CYFIP2: variants seen among roughly 807,000 people sequenced by gnomAD.
CYFIP2 encodes cytoplasmic FMR1-interacting protein 2.
Under a neutral mutation model 158.7 loss-of-function variants are expected in CYFIP2, and 29 were observed. That is an observed-to-expected ratio of 0.18 (90% CI 0.14 to 0.25). The LOEUF (loss-of-function observed/expected upper bound fraction) is 0.25, where lower values mean the gene tolerates loss of function less well. Ranked by LOEUF, CYFIP2 falls within the 10% of genes least tolerant of loss-of-function variation. The pLI, the probability that CYFIP2 is intolerant of heterozygous loss-of-function variation, is 1.00. For synonymous variants in CYFIP2, 585 were observed against 617.6 expected, an observed-to-expected ratio of 0.95 and a Z score of 0.78; for missense variants, 852 against 1,639.5, an observed-to-expected ratio of 0.52 and a Z score of 8.29.
intron 20 of CYFIP2, among the ~76,000 whole-genome samples, chr5:157,333,045 A>G (rs753511005): frequency 6.6e-6 from 1 of 152,200 alleles, no homozygotes; most frequent in African/African-American, 2.4e-5. Context: ...GGACTCTCAC[A>G]AGGCCAGAGT....
chr5:157,328,743 T>A (rs1761224683), intron 19 of CYFIP2, among the ~76,000 whole-genome samples: 2 of 152,256 alleles, frequency 1.3e-5, no homozygotes, highest in Admixed American at 1.3e-4. Flanking sequence ...TTTGAAAGTT[T>A]ACTCTCTTAA....
chr5:157,331,268 G>T (rs962303458), intron 20 of CYFIP2, among the ~76,000 whole-genome samples: 2 of 151,688 alleles, frequency 1.3e-5, no homozygotes, highest in Non-Finnish European at 2.9e-5. Context: ...TAGAAATTGG[G>T]TTTTTTGTGT....
chr5:157,368,168 G>A (rs1764605960), intron 26 of CYFIP2, among the ~76,000 whole-genome samples: 1 of 152,234 alleles, frequency 6.6e-6, no homozygotes, highest in South Asian at 2.1e-4. Context: ...AGTGAGAAGA[G>A]TGACTGCCTC....
intron 5 of CYFIP2, among the ~76,000 whole-genome samples, 167 bp downstream of exon 5, chr5:157,296,941 T>C (rs2113874976): frequency 6.6e-6 from 1 of 152,358 alleles, no homozygotes; most frequent in Non-Finnish European, 1.5e-5. Context: ...CTCCCCACCC[T>C]CGTGGAATTT....
intron 1 of CYFIP2, among the ~76,000 whole-genome samples, chr5:157,281,514 A>G (rs1756986647): frequency 6.6e-6 from 1 of 152,234 alleles, no homozygotes; most frequent in African/African-American, 2.4e-5. Context: ...CTCATCTAAC[A>G]GTAACAAAGT....
chr5:157,342,983 C>A, intron 23 of CYFIP2: 1 of 1,614,214 alleles, frequency 6.2e-7, no homozygotes, highest in East Asian at 2.2e-5. Context: ...GGAGTTCTTG[C>A]GTGGCATTTC....
intron 28 of CYFIP2, chr5:157,384,420 T>G (rs1364789653): frequency 2.2e-6 from 1 of 456,676 alleles, no homozygotes; most frequent in Non-Finnish European, 4.4e-6. Flanking sequence ...AGGATTGAAA[T>G]CTGCTTTTGA....
intron 26 of CYFIP2, chr5:157,364,213 G>A (rs1032280978): frequency 7.8e-6 from 1 of 128,042 alleles, no homozygotes; most frequent in Admixed American, 7.5e-5. Flanking sequence ...GCGGGGGGGG[G>A]TGGGTCCCTG....
At chr5:157,339,279 G>C (rs1226638497) in intron 22 of CYFIP2, 23 bp downstream of exon 22, 4 of 1,598,986 alleles carry the variant, frequency 2.5e-6, no homozygotes, top group Non-Finnish European at 8.6e-7. Flanking sequence ...CTGTGCAGAG[G>C]GGGCCGGGTG....
chr5:157,319,667 C>T, intron 13 of CYFIP2, 95 bp from the exon 14 acceptor site: 1 of 1,485,154 alleles, frequency 6.7e-7, no homozygotes, highest in South Asian at 1.3e-5. Context: ...CTCTGGACAT[C>T]TCACTCCCCG....
chr5:157,336,309 C>T (rs1310684559), intron 21 of CYFIP2, among the ~76,000 whole-genome samples: 1 of 152,162 alleles, frequency 6.6e-6, no homozygotes, highest in Admixed American at 6.5e-5. Flanking sequence ...ACGGGCAGCC[C>T]GCAGGCTGTG....
chr5:157,325,534 C>T lies in CYFIP2; in HGVS notation c.1878C>T (p.Phe626=). Residue 626 remains phenylalanine (F), a synonymous_variant, in exon 17 of 31, where the codon TTC becomes TTT. Coordinates refer to ENST00000620254, the MANE Select transcript of CYFIP2 (RefSeq NM_001037333.3). ...CCCAGCTCTGGTTCCGAGAATTCTTCCTGGAGTTAACCATGGGCCGACGAA... is the reference window on the plus strand; with the variant it reads ...CCCAGCTCTGGTTCCGAGAATTCTTTCTGGAGTTAACCATGGGCCGACGAA... ...DLSQLWFREF[F]LELTMGRRIQ... 1 of 1,613,216 alleles carries T rather than the reference C, an allele frequency of 6.2e-7. No homozygotes were observed. The highest frequency in any genetic ancestry group is 8.5e-7 in the Non-Finnish European group (1 of 1,179,526).
At chr5:157,366,301 C>G (rs1008477487) in intron 26 of CYFIP2, among the ~76,000 whole-genome samples, 2 of 152,080 alleles carry the variant, frequency 1.3e-5, no homozygotes, top group Non-Finnish European at 2.9e-5. Context: ...GATTTGTGGC[C>G]ATTATATACT....
At chr5:157,378,530 C>A (rs185393191) in intron 26 of CYFIP2, among the ~76,000 whole-genome samples, 140 of 152,284 alleles carry the variant, frequency 9.2e-4, no homozygotes, top group Non-Finnish European at 3.1e-4. Flanking sequence ...GGGGGAAAGT[C>A]AGGCTTCCCA....
intron 23 of CYFIP2, among the ~76,000 whole-genome samples, chr5:157,349,071 G>A (rs1446703925): frequency 2.6e-5 from 4 of 151,944 alleles, no homozygotes; most frequent in Admixed American, 6.6e-5. Context: ...ATTAGCCACC[G>A]CACCTGGCCA....
chr5:157,303,846 C>T (rs750812958), intron 7 of CYFIP2, among the ~76,000 whole-genome samples: 5 of 151,758 alleles, frequency 3.3e-5, no homozygotes, highest in Non-Finnish European at 7.4e-5. Context: ...GCTCTCCTCC[C>T]CTGGGTGGGG....
intron 1 of CYFIP2, among the ~76,000 whole-genome samples, chr5:157,271,128 T>C (rs111370613): frequency 6.6e-6 from 1 of 152,104 alleles, no homozygotes; most frequent in Non-Finnish European, 1.5e-5. Flanking sequence ...TGGGCCATGA[T>C]AGATCGGTAA....
intron 26 of CYFIP2, among the ~76,000 whole-genome samples, chr5:157,379,677 A>G (rs1399053765): frequency 6.0e-5 from 9 of 149,620 alleles, no homozygotes; most frequent in African/African-American, 1.7e-4. Context: ...TCAAAAAAAA[A>G]AAAAAAAAAA....
At chr5:157,312,391 AAGG>A (rs931056656) in intron 11 of CYFIP2, among the ~76,000 whole-genome samples, 86 of 152,254 alleles carry the variant, frequency 5.6e-4, no homozygotes, top group African/African-American at 1.9e-3. Context: ...AAATAAGCGA[AAGG>A]AGAGAAAATC....
Sources: gnomAD v4.1 joint callset for allele counts (sites outside exome capture counted in the v4.1 genomes callset) on GRCh38, gnomAD v4.1.1 for gene constraint, MANE v1.5 for transcripts, NCBI Gene and HGNC (gene_info 2026-07-23, HGNC 2026-07-21) for gene names.